MACROD2: variants seen among roughly 807,000 people sequenced by gnomAD.
The protein encoded by MACROD2 is ADP-ribose glycohydrolase MACROD2.
A neutral mutation model predicts 70.4 loss-of-function variants in MACROD2; 36 were observed. The observed-to-expected ratio is 0.51, with a 90% CI of 0.39 to 0.68. The LOEUF is 0.68. Among genes scored for constraint, MACROD2 ranks in the 30% least tolerant of loss-of-function variants. MACROD2 has a pLI of 0.00. For missense variants in MACROD2, 496 were observed against 538.4 expected, an observed-to-expected ratio of 0.92 and a Z score of 0.78; for synonymous variants, 172 against 178.8, an observed-to-expected ratio of 0.96 and a Z score of 0.30.
At chr20:14,027,130 A>G (rs934178283) in intron 2 of MACROD2, among the ~76,000 whole-genome samples, 4 of 152,110 alleles carry the variant, frequency 2.6e-5, no homozygotes, top group Non-Finnish European at 1.5e-5. Context: ...ACATAGTCCC[A>G]TATTTTTTGG....
rs34479921 is a variant in MACROD2, at chr20:15,263,085, T to C, written c.540+33024T>C. Reference sequence around the variant, plus strand: ...GCATTTTTGCTTTGGTTGTCTGTGCTTGTGGGGTATTACTGAAGGAATCTT... The same window carrying C: ...GCATTTTTGCTTTGGTTGTCTGTGCCTGTGGGGTATTACTGAAGGAATCTT... On this transcript the variant is annotated intron_variant, in intron 6 of 17. Coordinates refer to ENST00000684519, the MANE Select transcript of MACROD2 (RefSeq NM_001351661.2). 3.6e-3 allele frequency among the ~76,000 whole-genome samples: 543 copies of C among 152,268 alleles called. 10 individuals carry two copies. Among genetic ancestry groups the C allele is most frequent in the Admixed American group, 0.034 (518 of 15,296 alleles).
chr20:15,786,902 A>ATC (rs2051937960), intron 8 of MACROD2, among the ~76,000 whole-genome samples: 1 of 152,194 alleles, frequency 6.6e-6, no homozygotes, highest in Admixed American at 6.5e-5. Context: ...ATGGCATACA[A>ATC]AGTGTAAGTG....
At chr20:14,236,523 A>G (rs2122221378) in intron 3 of MACROD2, among the ~76,000 whole-genome samples, 1 of 152,268 alleles carries the variant, frequency 6.6e-6, no homozygotes, top group African/African-American at 2.4e-5. Context: ...TTTAATATTT[A>G]GAAAATACGA....
chr20:15,400,876 C>T (rs1209939502), intron 6 of MACROD2, among the ~76,000 whole-genome samples: 2 of 152,160 alleles, frequency 1.3e-5, no homozygotes, highest in African/African-American at 4.8e-5. Context: ...AGCATAGTTG[C>T]AGGCCTCTCA....
chr20:14,874,633 A>C (rs2122439088), intron 5 of MACROD2, among the ~76,000 whole-genome samples: 1 of 151,932 alleles, frequency 6.6e-6, no homozygotes, highest in East Asian at 1.9e-4. Flanking sequence ...CAGAACAAGG[A>C]ATTTGCACAT....
At chr20:14,753,134 C>T (rs894123623) in intron 5 of MACROD2, among the ~76,000 whole-genome samples, 1 of 152,100 alleles carries the variant, frequency 6.6e-6, no homozygotes, top group African/African-American at 2.4e-5. Flanking sequence ...CCACCTCATT[C>T]CTGTGACAGA....
intron 6 of MACROD2, among the ~76,000 whole-genome samples, chr20:15,380,832 T>C (rs533504435): frequency 7.2e-5 from 11 of 152,190 alleles, no homozygotes; most frequent in Non-Finnish European, 1.6e-4. Flanking sequence ...GCTATAACAT[T>C]GTGAATAGCA....
rs542032924 is a variant in MACROD2 at position 15,712,207 on chromosome 20, T to C, written c.646-150538T>C. On this transcript the variant is annotated intron_variant, in intron 8 of 17. Coordinates refer to ENST00000684519, the MANE Select transcript of MACROD2 (RefSeq NM_001351661.2). ...TATTTCTTAAGAAGGCTAGAGTCAA[T>C]ATTTTAAGCTTTGTGGGTTGTACTG... Among the ~76,000 whole-genome samples, 178 of 152,348 alleles carry C rather than the reference T, an allele frequency of 1.2e-3. 1 individual carries two copies. Among genetic ancestry groups the C allele is most frequent in the African/African-American group, 4.1e-3 (169 of 41,586 alleles).
At chr20:15,819,779 A>G (rs983509276) in intron 8 of MACROD2, among the ~76,000 whole-genome samples, 7 of 152,068 alleles carry the variant, frequency 4.6e-5, no homozygotes, top group Non-Finnish European at 1.0e-4. Flanking sequence ...GGGGGAGGAA[A>G]TGGAGAGATA....
chr20:14,854,509 A>G (rs2073232417), intron 5 of MACROD2, among the ~76,000 whole-genome samples: 1 of 152,130 alleles, frequency 6.6e-6, no homozygotes, highest in African/African-American at 2.4e-5. Flanking sequence ...TGATTCTAGG[A>G]TAGTTTATGT....
At chr20:14,237,695 C>T (rs2081889929) in intron 3 of MACROD2, among the ~76,000 whole-genome samples, 1 of 145,468 alleles carries the variant, frequency 6.9e-6, no homozygotes, top group African/African-American at 2.5e-5. Flanking sequence ...CTCTCCCCTC[C>T]CCCCCACCCC....
At chr20:15,347,377 T>C (rs2078178157) in intron 6 of MACROD2, among the ~76,000 whole-genome samples, 1 of 152,172 alleles carries the variant, frequency 6.6e-6, no homozygotes, top group Non-Finnish European at 1.5e-5. Flanking sequence ...TTGTACTCAC[T>C]ATATAGGCCA....
chr20:14,209,530 T>A (rs1218491863), intron 3 of MACROD2, among the ~76,000 whole-genome samples: 2 of 152,148 alleles, frequency 1.3e-5, no homozygotes, highest in Non-Finnish European at 2.9e-5. Flanking sequence ...ATACTAGCCA[T>A]GAAAAGAATA....
intron 4 of MACROD2, among the ~76,000 whole-genome samples, chr20:14,535,200 G>A (rs186853642): frequency 1.5e-3 from 233 of 152,218 alleles, no homozygotes; most frequent in African/African-American, 5.3e-3. Context: ...AATTAGTTAG[G>A]CATCTTTATA....
chr20:16,049,445 C>T (rs1222409671), intron 17 of MACROD2, among the ~76,000 whole-genome samples: 1 of 152,042 alleles, frequency 6.6e-6, no homozygotes, highest in African/African-American at 2.4e-5. Flanking sequence ...TTTTGCAAAG[C>T]AGCATTATGA....
Position 14,053,789 on chromosome 20 carries a change from C to T in MACROD2, c.164-31832C>T, listed in dbSNP as rs141915303. 4.4e-3 allele frequency: 666 copies of T among 152,138 alleles called. 4 individuals carry two copies. Among genetic ancestry groups the T allele is most frequent in the African/African-American group, 0.015 (636 of 41,502 alleles). The allele number at this position is 152,138 out of a possible 1,614,324, so 9.4% of individuals were successfully genotyped here. On this transcript the variant is annotated intron_variant, in intron 2 of 17. Coordinates refer to ENST00000684519, the MANE Select transcript of MACROD2 (RefSeq NM_001351661.2). ...TATTTTTTACACTTAAATAACTGTG[C>T]TTTTTGTGATGCGTAATCATGATTT... is the stretch of plus-strand genomic sequence containing the variant.
intron 4 of MACROD2, among the ~76,000 whole-genome samples, chr20:14,678,107 A>G (rs1316428293): frequency 6.6e-6 from 1 of 152,152 alleles, no homozygotes; most frequent in African/African-American, 2.4e-5. Flanking sequence ...ACAGTCATTT[A>G]GGGACTCAGA....
rs991239411 is a variant in MACROD2, at chr20:15,447,257, C to A, written c.571+15822C>A. 5.9e-5 allele frequency among the ~76,000 whole-genome samples: 9 copies of A among 152,146 alleles called. 1 individual carries two copies. The highest frequency in any genetic ancestry group is 5.2e-4 in the Admixed American group (8 of 15,272). On this transcript the variant is annotated intron_variant, in intron 7 of 17. Coordinates refer to ENST00000684519, the MANE Select transcript of MACROD2 (RefSeq NM_001351661.2). The stretch of plus-strand genomic sequence containing the variant: ...AGAAATGCCAAGAAGTTAAAGCAAG[C>A]TGGCTGCAAGCTATGGCAGGGCAAC...
intron 4 of MACROD2, chr20:14,554,285 T>C (rs1431058617): frequency 1.3e-5 from 2 of 152,122 alleles, no homozygotes; most frequent in Non-Finnish European, 2.9e-5. Context: ...ACTGCTGACG[T>C]TTCCTTTGAC....
Sources: gnomAD v4.1 joint callset for allele counts (sites outside exome capture counted in the v4.1 genomes callset) on GRCh38, gnomAD v4.1.1 for gene constraint, MANE v1.5 for transcripts, NCBI Gene and HGNC (gene_info 2026-07-23, HGNC 2026-07-21) for gene names.